Variants in CBFA2T2 observed in about 807,000 individuals in gnomAD.
The protein encoded by CBFA2T2 is CBFA2/RUNX1 partner transcriptional co-repressor 2.
Under a neutral mutation model 62.2 loss-of-function variants are expected in CBFA2T2, and 11 were observed. The observed-to-expected ratio is 0.18, with a 90% CI of 0.11 to 0.29. The LOEUF (loss-of-function observed/expected upper bound fraction) is 0.29. Among genes scored for constraint, CBFA2T2 ranks in the 10% least tolerant of loss-of-function variants. The pLI is 1.00. For synonymous variants in CBFA2T2, 295 were observed against 287.5 expected (o/e 1.03, Z -0.27); for missense variants, 592 against 774.1 (o/e 0.76, Z 2.79).
chr20:33,623,913 C>T (rs759283508), intron 5 of CBFA2T2: 3 of 693,882 alleles, frequency 4.3e-6, no homozygotes, highest in Non-Finnish European at 7.9e-6. Context: ...CTCAGGAGTA[C>T]AGTTCTGCCT....
intron 1 of CBFA2T2, among the ~76,000 whole-genome samples, chr20:33,578,472 A>G (rs1299209715): frequency 6.6e-6 from 1 of 152,064 alleles, no homozygotes; most frequent in Non-Finnish European, 1.5e-5. Context: ...ATTTGCTACT[A>G]TTTTTCTCTT....
Position 33,645,598 on chromosome 20 carries a change from T to C in CBFA2T2, c.*952T>C, listed in dbSNP as rs1601131860. ...ACACACATCTGGAACGCTGTGGGCA[T>C]CTTCTGCCCATGGGCTCCATTTGGC... On this transcript the variant is annotated 3_prime_UTR_variant, in exon 11 of 11. Transcript: ENST00000342704. The C allele has an allele frequency of 6.6e-6, 1 of 152,338 alleles. No homozygotes were observed. The highest frequency in any genetic ancestry group is 1.9e-4 in the East Asian group (1 of 5,190). 9.4% of individuals were successfully genotyped at this position (152,338 alleles called of 1,614,324 possible).
chr20:33,629,088 CA>C (rs2016355357), intron 7 of CBFA2T2, among the ~76,000 whole-genome samples: 1 of 152,176 alleles, frequency 6.6e-6, no homozygotes, highest in Non-Finnish European at 1.5e-5. Flanking sequence ...GTCTGGGCAA[CA>C]TAGCAAGATG....
chr20:33,589,643 T>G (rs1326483210), intron 1 of CBFA2T2, among the ~76,000 whole-genome samples: 2 of 152,186 alleles, frequency 1.3e-5, no homozygotes, highest in East Asian at 3.8e-4. Flanking sequence ...ATTGAATGAT[T>G]GCTGTAAACA....
intron 1 of CBFA2T2, among the ~76,000 whole-genome samples, chr20:33,493,068 GTTTTTTTTT>G (rs1157324208): frequency 1.1e-5 from 1 of 88,080 alleles, no homozygotes; most frequent in Non-Finnish European, 2.2e-5. Context: ...TGAAGTTTTG[GTTTTTTTTT>G]TTTTTTTTTT....
chr20:33,498,470 C>G (rs1449103936), intron 1 of CBFA2T2, among the ~76,000 whole-genome samples: 4 of 151,744 alleles, frequency 2.6e-5, no homozygotes, highest in Non-Finnish European at 2.9e-5. Flanking sequence ...CCAGGCTGGT[C>G]TCGAACTCCT....
At chr20:33,490,818 G>C (rs1223777268) in intron 1 of CBFA2T2, among the ~76,000 whole-genome samples, 1 of 152,194 alleles carries the variant, frequency 6.6e-6, no homozygotes, top group African/African-American at 2.4e-5. Flanking sequence ...GCAAAATGGG[G>C]ATGTGGAGCG....
At chr20:33,506,602 T>C (rs1168785482) in intron 1 of CBFA2T2, among the ~76,000 whole-genome samples, 1 of 152,178 alleles carries the variant, frequency 6.6e-6, no homozygotes, top group East Asian at 1.9e-4. Flanking sequence ...TTTGGATAGC[T>C]CTTGTAATAA....
At chr20:33,636,186 G>C (rs1228098069) in intron 8 of CBFA2T2, among the ~76,000 whole-genome samples, 1 of 148,642 alleles carries the variant, frequency 6.7e-6, no homozygotes, top group Non-Finnish European at 1.5e-5. Flanking sequence ...TTGAACCCGG[G>C]AGGCAGAGGT....
chr20:33,591,532 T>C (rs2014636087), intron 1 of CBFA2T2, among the ~76,000 whole-genome samples: 1 of 151,914 alleles, frequency 6.6e-6, no homozygotes, highest in Non-Finnish European at 1.5e-5. Context: ...GAAAAATATT[T>C]GTCACATCCA....
chr20:33,574,361 C>CA (rs2013721141), intron 1 of CBFA2T2: 9 of 1,148,474 alleles, frequency 7.8e-6, no homozygotes, highest in Non-Finnish European at 1.1e-5. Flanking sequence ...CATGGTGGCT[C>CA]ACGCCTGTAA....
chr20:33,505,498 G>T (rs891721722), intron 1 of CBFA2T2, among the ~76,000 whole-genome samples: 6 of 151,968 alleles, frequency 3.9e-5, no homozygotes, highest in African/African-American at 1.4e-4. Flanking sequence ...AAATAGAAGG[G>T]GTCGGCCGGG....
intron 8 of CBFA2T2, among the ~76,000 whole-genome samples, chr20:33,632,146 C>T (rs961325281): frequency 5.9e-5 from 9 of 152,014 alleles, no homozygotes; most frequent in African/African-American, 2.2e-4. Context: ...TGGGTTCAAG[C>T]CATTCTCTTG....
chr20:33,623,904 T>C (rs1350812929), intron 5 of CBFA2T2: 11 of 710,650 alleles, frequency 1.5e-5, no homozygotes, highest in Non-Finnish European at 2.9e-5. Context: ...TCCAGAAGCC[T>C]CAGGAGTACA....
chr20:33,490,247 G>T lies in CBFA2T2; in HGVS notation c.-21G>T. The T allele has an allele frequency of 8.1e-7, 1 of 1,233,198 alleles. No individual in the cohort carries two copies. The highest frequency in any genetic ancestry group is 3.2e-5 in the East Asian group (1 of 31,338). The allele number at this position is 1,233,198 out of a possible 1,614,324, so 76.4% of individuals were successfully genotyped here. A position where few individuals can be genotyped will look rare whatever the true frequency, so the allele number is the denominator to read the frequency against. The stretch of plus-strand genomic sequence containing the variant: ...CGTGTCGCGGGTAGAGGCGGGCGGC[G>T]CGCGGCGGCGGCGCTCGGCGATGGT... On this transcript the variant is annotated 5_prime_UTR_variant, in exon 1 of 11. Coordinates refer to ENST00000342704, the MANE Select transcript of CBFA2T2 (RefSeq NM_001032999.3).
intron 1 of CBFA2T2, among the ~76,000 whole-genome samples, chr20:33,547,773 T>G (rs771371166): frequency 6.6e-6 from 1 of 151,530 alleles, no homozygotes; most frequent in Non-Finnish European, 1.5e-5. Flanking sequence ...TAGGTGTATA[T>G]TATAAAAATC....
At chr20:33,591,442 C>T (rs1459107647) in intron 1 of CBFA2T2, among the ~76,000 whole-genome samples, 1 of 146,012 alleles carries the variant, frequency 6.8e-6, no homozygotes, top group Non-Finnish European at 1.5e-5. Context: ...CTACTGCACT[C>T]CAGCCTGAGC....
intron 1 of CBFA2T2, among the ~76,000 whole-genome samples, chr20:33,542,873 G>A (rs1462193631): frequency 6.6e-6 from 1 of 152,024 alleles, no homozygotes; most frequent in Non-Finnish European, 1.5e-5. Context: ...GGGTCTCCCC[G>A]TGTTGTTCAG....
chr20:33,534,578 G>A (rs1161653766), intron 1 of CBFA2T2, among the ~76,000 whole-genome samples: 1 of 152,030 alleles, frequency 6.6e-6, no homozygotes, highest in Non-Finnish European at 1.5e-5. Flanking sequence ...CTCCCAAAGT[G>A]CTGAGATTAT....
Sources: gnomAD v4.1 joint callset for allele counts (sites outside exome capture counted in the v4.1 genomes callset) on GRCh38, gnomAD v4.1.1 for gene constraint, MANE v1.5 for transcripts, NCBI Gene and HGNC (gene_info 2026-07-23, HGNC 2026-07-21) for gene names.